The following RNF145 variants were observed in gnomAD, a reference collection of about 807,000 sequenced individuals.
RNF145 encodes ring finger protein 145.
A neutral mutation model predicts 57.3 loss-of-function variants in RNF145; 12 were observed. The observed-to-expected ratio is 0.21, with a 90% CI of 0.13 to 0.34. RNF145 has a LOEUF of 0.34. Ranked by LOEUF, RNF145 falls within the 10% of genes least tolerant of loss-of-function variation. The pLI, the probability that RNF145 is intolerant of heterozygous loss-of-function variation, is 1.00. For synonymous variants in RNF145, 262 were observed against 288.3 expected (o/e 0.91, Z 0.92); for missense variants, 429 against 799.0 (o/e 0.54, Z 5.58).
chr5:159,194,864 T>C (rs773045902), intron 2 of RNF145, 40 bp from the exon 3 acceptor site: 2 of 1,360,502 alleles, frequency 1.5e-6, no homozygotes, highest in East Asian at 4.6e-5. Context: ...TTTAATTTAG[T>C]TTCCCAATTA....
At chr5:159,198,745 G>T (rs1183179358) in intron 2 of RNF145, among the ~76,000 whole-genome samples, 1 of 152,152 alleles carries the variant, frequency 6.6e-6, no homozygotes, top group African/African-American at 2.4e-5. Context: ...TTCAGGGCTG[G>T]GCACAGTGGC....
At chr5:159,209,894 C>A (rs866713949), upstream of RNF145, 22 of 1,535,994 alleles carry the variant, frequency 1.4e-5, no homozygotes, top group African/African-American at 1.5e-4. Flanking sequence ...CTGATCCTGT[C>A]CCGGTGCATT....
intron 3 of RNF145, among the ~76,000 whole-genome samples, chr5:159,191,151 CA>C (rs1214549126): frequency 1.2e-4 from 18 of 151,504 alleles, no homozygotes; most frequent in Non-Finnish European, 2.2e-4. Context: ...GGGCTGCATT[CA>C]AAGCCATCCT....
intron 10 of RNF145, among the ~76,000 whole-genome samples, chr5:159,159,949 G>A (rs1023760886): frequency 2.6e-5 from 4 of 152,124 alleles, no homozygotes; most frequent in African/African-American, 7.2e-5. Flanking sequence ...TAAGCAGAAA[G>A]CCATCCAAGG....
chr5:159,158,658 G>A lies in RNF145; in HGVS notation c.*12C>T. On this transcript the variant is annotated 3_prime_UTR_variant, in exon 11 of 11. Transcript: ENST00000424310. The stretch of plus-strand genomic sequence containing the variant: ...TCCAGAGTATCAAAGCATCATTCCT[G>A]CTGCTTCTCCTCTAGGCTGATTCAA... The A allele has an allele frequency of 6.2e-7, 1 of 1,609,566 alleles. No individual in the cohort carries two copies. The highest frequency in any genetic ancestry group is 1.1e-5 in the South Asian group (1 of 90,870).
chr5:159,194,665 A>C, intron 3 of RNF145, 51 bp downstream of exon 3: 1 of 1,185,854 alleles, frequency 8.4e-7, no homozygotes, highest in Non-Finnish European at 1.3e-6. Flanking sequence ...TATTGGCAAA[A>C]GAAAACTTTA....
chr5:159,196,227 GAGT>G (rs952223196), intron 2 of RNF145, among the ~76,000 whole-genome samples: 1 of 109,122 alleles, frequency 9.2e-6, no homozygotes, highest in African/African-American at 4.0e-5. Flanking sequence ...AAAATATTAT[GAGT>G]TTTTTTTTTT....
Position 159,174,041 on chromosome 5 carries a change from A to C in RNF145, c.739T>G (p.Phe247Val), listed in dbSNP as rs1193288793. Residue 247 changes from phenylalanine (F) to valine (V), a missense_variant, in exon 6 of 11, where the codon TTC becomes GTC. This residue lies in a region of RNF145 where 216 missense variants were observed against 457.6 expected (regional missense o/e 0.47). Coordinates refer to ENST00000424310, the MANE Select transcript of RNF145 (RefSeq NM_001199383.2). The stretch of plus-strand genomic sequence containing the variant: ...GATGCAGGCTGATCTCGAGTACTGA[A>C]ATAGGAGTAAATCTGAAGAGCAAAT... ...VLFALQIYSY[F>V]STRDQPASRE... 6.2e-7 allele frequency: 1 copy of C among 1,613,702 alleles called. No individual in the cohort carries two copies. The highest frequency in any genetic ancestry group is 8.5e-7 in the Non-Finnish European group (1 of 1,179,712).
At chr5:159,206,846 TCC>T (rs1785903919) in intron 1 of RNF145, among the ~76,000 whole-genome samples, 1 of 152,124 alleles carries the variant, frequency 6.6e-6, no homozygotes, top group Non-Finnish European at 1.5e-5. Context: ...TAAAATGTCC[TCC>T]TTGAACTTTG....
Position 159,168,938 on chromosome 5 carries a change from A to C in RNF145, c.1056T>G (p.Ser352=). Residue 352 remains serine (S), a synonymous_variant, in exon 8 of 11, where the codon TCT becomes TCG. Transcript: ENST00000424310. ...CAATTTCTAACATAGACTGTAGGAT[A>C]GAAGCTACGACAATGAAAAGGATAA... ...LSIILFIVVA[S]ILQSMLEIAD... 1 of 1,606,992 alleles carries C rather than the reference A, an allele frequency of 6.2e-7. No individual in the cohort carries two copies. The highest frequency in any genetic ancestry group is 8.5e-7 in the Non-Finnish European group (1 of 1,178,132).
intron 6 of RNF145, among the ~76,000 whole-genome samples, chr5:159,171,143 AT>A (rs1784540624): frequency 6.6e-6 from 1 of 152,200 alleles, no homozygotes; most frequent in Non-Finnish European, 1.5e-5. Context: ...TCCACCAATC[AT>A]GGTGGCTAAT....
intron 3 of RNF145, among the ~76,000 whole-genome samples, chr5:159,186,493 C>A (rs919665566): frequency 6.6e-6 from 1 of 152,322 alleles, no homozygotes; most frequent in East Asian, 1.9e-4. Context: ...AGAAACCTAA[C>A]CTGTTTTCAC....
At chr5:159,187,958 C>A (rs528532745) in intron 3 of RNF145, among the ~76,000 whole-genome samples, 2 of 152,188 alleles carry the variant, frequency 1.3e-5, no homozygotes, top group Non-Finnish European at 2.9e-5. Context: ...CGTACTTACA[C>A]ACCGAAGAGC....
Position 159,203,468 on chromosome 5 carries a change from C to CT in RNF145, c.149dup (p.Tyr51ValfsTer2). 1 of 1,613,908 alleles carries CT rather than the reference C, an allele frequency of 6.2e-7. No homozygotes were observed. Among genetic ancestry groups the CT allele is most frequent in the Non-Finnish European group, 8.5e-7 (1 of 1,179,862 alleles). Reference sequence around the variant, plus strand: ...GCATATTAAGAGCCAAATACTTATACTGGAAAAGAGGGTTATTACTAAGGC... The same window carrying CT: ...GCATATTAAGAGCCAAATACTTATACTTGGAAAAGAGGGTTATTACTAAGGC... On this transcript the variant is annotated frameshift_variant, in exon 2 of 11. Transcript: ENST00000424310. LOFTEE classifies it high-confidence loss of function.
chr5:159,163,095 A>T lies in RNF145; in HGVS notation c.1122-16T>A, dbSNP rs1244981227. 6.3e-7 allele frequency: 1 copy of T among 1,582,390 alleles called. No individual in the cohort carries two copies. On this transcript the variant is annotated splice_polypyrimidine_tract_variant and intron_variant, in intron 8 of 10. Coordinates refer to ENST00000424310, the MANE Select transcript of RNF145 (RefSeq NM_001199383.2). ...CCACAAGCTCCTGGAGAAAGACAAA[A>T]TTATTCTTTTTAAGTGCCTGCCACC...
intron 2 of RNF145, 83 bp from the exon 3 acceptor site, chr5:159,194,907 A>T: frequency 1.0e-6 from 1 of 992,922 alleles, no homozygotes; most frequent in Non-Finnish European, 1.5e-6. Context: ...GAGACAAATA[A>T]TTTTCCAAAT....
intron 6 of RNF145, among the ~76,000 whole-genome samples, chr5:159,173,085 G>A (rs1343934351): frequency 1.3e-5 from 2 of 152,032 alleles, no homozygotes; most frequent in Non-Finnish European, 1.5e-5. Context: ...GATTTAAAAA[G>A]ACAAAACAAA....
chr5:159,187,173 T>C (rs2113179121), intron 3 of RNF145, among the ~76,000 whole-genome samples: 1 of 150,218 alleles, frequency 6.7e-6, no homozygotes, highest in South Asian at 2.1e-4. Context: ...TCCCAGCTAT[T>C]TGGGAGGCTG....
chr5:159,186,952 C>T (rs1488947630), intron 3 of RNF145, among the ~76,000 whole-genome samples: 1 of 151,706 alleles, frequency 6.6e-6, no homozygotes, highest in Non-Finnish European at 1.5e-5. Flanking sequence ...CATTGCACTC[C>T]AGCCTGGGCA....
Sources: allele counts gnomAD v4.1 joint callset (sites outside exome capture counted in the v4.1 genomes callset), GRCh38; gene constraint gnomAD v4.1.1; regional missense constraint gnomAD v4.1.1; transcripts MANE v1.5; gene names NCBI Gene and HGNC (gene_info 2026-07-23, HGNC 2026-07-21).